Variants in SCHIP1 observed in about 807,000 individuals in gnomAD.
SCHIP1 encodes schwannomin-interacting protein 1.
SCHIP1 carries 8 observed loss-of-function variants against 29.7 expected under a neutral mutation model. That is an observed-to-expected ratio of 0.27 (90% CI 0.16 to 0.49). SCHIP1 has a LOEUF of 0.49. Ranked by LOEUF, SCHIP1 falls within the 20% of genes least tolerant of loss-of-function variation. SCHIP1 has a pLI of 0.99. For missense variants in SCHIP1, 193 were observed against 294.6 expected (o/e 0.66, Z 2.52); for synonymous variants, 76 against 94.9 (o/e 0.80, Z 1.16).
At chr3:159,596,943 A>G in the SCHIP1 span, among the ~76,000 whole-genome samples, 1 of 151,912 alleles carries the variant, frequency 6.6e-6, no homozygotes, top group Non-Finnish European at 1.5e-5. Flanking sequence ...AACTTAAAGT[A>G]TAATAATAAA....
the SCHIP1 span, among the ~76,000 whole-genome samples, chr3:159,392,363 A>G: frequency 2.0e-5 from 3 of 152,140 alleles, no homozygotes; most frequent in Admixed American, 2.0e-4. Context: ...CACATTGTGC[A>G]GGTTAGTTAC....
the SCHIP1 span, among the ~76,000 whole-genome samples, chr3:159,345,093 T>TGGTG: frequency 5.9e-5 from 9 of 151,498 alleles, no homozygotes; most frequent in African/African-American, 2.2e-4. Context: ...CTGGGCGTGG[T>TGGTG]GGTGGGTGCC....
chr3:159,490,756 G>A, the SCHIP1 span, among the ~76,000 whole-genome samples: 1 of 152,176 alleles, frequency 6.6e-6, no homozygotes, highest in Non-Finnish European at 1.5e-5. Flanking sequence ...GAAGCTGTGG[G>A]TTGTCCTAGG....
the SCHIP1 span, among the ~76,000 whole-genome samples, chr3:159,747,091 A>G: frequency 3.3e-5 from 5 of 152,204 alleles, no homozygotes; most frequent in Admixed American, 3.3e-4. Flanking sequence ...CTCCCCAGAT[A>G]TCCAACCCAG....
the SCHIP1 span, among the ~76,000 whole-genome samples, chr3:159,743,175 G>T: frequency 1.3e-5 from 2 of 152,184 alleles, no homozygotes; most frequent in Non-Finnish European, 2.9e-5. Flanking sequence ...TTTCCCTAAA[G>T]GGTAGTTGCT....
the SCHIP1 span, among the ~76,000 whole-genome samples, chr3:159,740,761 C>CAAAAAAAAACAAAA: frequency 7.0e-5 from 1 of 14,336 alleles, no homozygotes; most frequent in Non-Finnish European, 1.4e-4. Context: ...ATTGTATATT[C>CAAAAAAAAACAAAA]AAAAAAAAAG....
chr3:159,477,648 A>G, the SCHIP1 span, among the ~76,000 whole-genome samples: 1 of 152,018 alleles, frequency 6.6e-6, no homozygotes, highest in Non-Finnish European at 1.5e-5. Flanking sequence ...TCTTCTTGCT[A>G]TTGAATTCTT....
the SCHIP1 span, among the ~76,000 whole-genome samples, chr3:159,499,171 T>C: frequency 6.6e-6 from 1 of 152,256 alleles, no homozygotes; most frequent in East Asian, 1.9e-4. Context: ...TCATAGTTCT[T>C]TCCTCTACTG....
At chr3:159,727,685 G>A in the SCHIP1 span, among the ~76,000 whole-genome samples, 1 of 152,208 alleles carries the variant, frequency 6.6e-6, no homozygotes, top group East Asian at 1.9e-4. Flanking sequence ...CTGAGCTAGT[G>A]TGGGTCTGGG....
the SCHIP1 span, among the ~76,000 whole-genome samples, chr3:159,393,283 A>G: frequency 6.6e-6 from 1 of 152,074 alleles, no homozygotes; most frequent in Non-Finnish European, 1.5e-5. Flanking sequence ...CTCTGATGGT[A>G]GTTTCTTTTG....
chr3:159,734,228 C>T, the SCHIP1 span, among the ~76,000 whole-genome samples: 925 of 149,990 alleles, frequency 6.2e-3, 10 homozygotes, highest in African/African-American at 0.022. Flanking sequence ...CTTCAACCTC[C>T]GCCTCCCAGG....
At chr3:159,619,444 T>C in the SCHIP1 span, among the ~76,000 whole-genome samples, 1 of 152,186 alleles carries the variant, frequency 6.6e-6, no homozygotes, top group African/African-American at 2.4e-5. Flanking sequence ...ACAGAGGGAT[T>C]AACAGACACT....
chr3:159,343,816 G>A, the SCHIP1 span, among the ~76,000 whole-genome samples: 12 of 152,236 alleles, frequency 7.9e-5, no homozygotes, highest in East Asian at 1.9e-4. Context: ...TAATCTGCAC[G>A]TCAGTGTGTA....
the SCHIP1 span, among the ~76,000 whole-genome samples, chr3:159,637,371 C>CCACACACACACACA: frequency 1.9e-3 from 259 of 134,640 alleles, 5 homozygotes; most frequent in African/African-American, 6.0e-3. Context: ...CCGGCCCCAG[C>CCACACACACACACA]CACACACACA....
chr3:159,825,189 G>GA, the SCHIP1 span, among the ~76,000 whole-genome samples: 16 of 152,072 alleles, frequency 1.1e-4, no homozygotes, highest in Admixed American at 2.0e-4. Flanking sequence ...TTGAGAAAAG[G>GA]AAAAAAACTA....
At chr3:159,600,651 G>A in the SCHIP1 span, among the ~76,000 whole-genome samples, 1 of 151,860 alleles carries the variant, frequency 6.6e-6, no homozygotes, top group Admixed American at 6.6e-5. Flanking sequence ...TCAATATTCT[G>A]AATTCTTTAT....
the SCHIP1 span, among the ~76,000 whole-genome samples, chr3:159,646,892 A>T: frequency 6.6e-6 from 1 of 152,072 alleles, no homozygotes; most frequent in South Asian, 2.1e-4. Flanking sequence ...ATACTAAAAG[A>T]GACCCAGGAC....
chr3:159,323,136 C>T, the SCHIP1 span, among the ~76,000 whole-genome samples: 428 of 152,254 alleles, frequency 2.8e-3, 1 homozygote, highest in African/African-American at 9.9e-3. Context: ...TATTTTTAAG[C>T]CTGAAAATTA....
At chr3:159,514,236 T>C in the SCHIP1 span, among the ~76,000 whole-genome samples, 1 of 152,114 alleles carries the variant, frequency 6.6e-6, no homozygotes, top group Non-Finnish European at 1.5e-5. Context: ...CCATTTTTGT[T>C]TGGCAAAGAA....
Sources: gnomAD v4.1 joint callset for allele counts (sites outside exome capture counted in the v4.1 genomes callset) on GRCh38, gnomAD v4.1.1 for gene constraint, MANE v1.5 for transcripts, NCBI Gene and HGNC (gene_info 2026-07-23, HGNC 2026-07-21) for gene names.